Variants in MAF observed in about 807,000 individuals in gnomAD.
MAF encodes the protein MAF bZIP transcription factor.
MAF carries 10 observed loss-of-function variants against 22.0 expected under a neutral mutation model. The ratio of observed to expected loss-of-function variants is 0.45; its 90% CI spans 0.28 to 0.77. The LOEUF is 0.77. Ranked by LOEUF, MAF falls within the 30% of genes least tolerant of loss-of-function variation. The pLI is 0.12. For synonymous variants in MAF, 337 were observed against 255.8 expected (o/e 1.32, Z -3.03); for missense variants, 544 against 548.4 (o/e 0.99, Z 0.08).
At chr16:79,332,305 A>T in the MAF span, among the ~76,000 whole-genome samples, 2 of 150,476 alleles carry the variant, frequency 1.3e-5, no homozygotes, top group South Asian at 2.1e-4. Context: ...TAATAATAAT[A>T]TTTTTTTTTT....
chr16:79,521,884 C>A, the MAF span, among the ~76,000 whole-genome samples: 1 of 152,152 alleles, frequency 6.6e-6, no homozygotes, highest in African/African-American at 2.4e-5. Context: ...TTAGAATCAT[C>A]ATCTTAATTT....
chr16:79,488,874 G>A, the MAF span, among the ~76,000 whole-genome samples: 1 of 152,120 alleles, frequency 6.6e-6, no homozygotes, highest in African/African-American at 2.4e-5. Flanking sequence ...GAACTGAAAT[G>A]ACTGAAAGGA....
Position 79,599,577 on chromosome 16 carries a change from C to G in MAF, c.326G>C (p.Ser109Thr), listed in dbSNP as rs932989801. ...QQLNPEALGF[S>T]PEDAVEALIS... ...GAGCGCCTCGACCGCGTCCTCGGGG[C>G]TGAAGCCCAGCGCCTCGGGGTTCAG... is the stretch of plus-strand genomic sequence containing the variant. The change falls in exon 1 of 2, where the codon AGC becomes ACC. Residue 109 changes from serine (S) to threonine (T), a missense_variant. Physicochemically the swap from Ser to Thr is moderately conservative, Grantham distance 58. Coordinates refer to ENST00000326043, the MANE Select transcript of MAF (RefSeq NM_005360.5). 7.5e-6 allele frequency: 12 copies of G among 1,603,116 alleles called. No homozygotes were observed. Among genetic ancestry groups the G allele is most frequent in the Non-Finnish European group, 8.5e-6 (10 of 1,175,802 alleles).
the MAF span, among the ~76,000 whole-genome samples, chr16:79,361,548 C>T: frequency 5.3e-5 from 8 of 152,138 alleles, no homozygotes; most frequent in East Asian, 5.8e-4. Flanking sequence ...CCATGCTAGC[C>T]GGCTGCCTGG....
the MAF span, among the ~76,000 whole-genome samples, chr16:79,210,196 C>T: frequency 1.3e-5 from 2 of 152,198 alleles, no homozygotes; most frequent in South Asian, 2.1e-4. Context: ...CAGACCAACT[C>T]CATTGTTACT....
the MAF span, among the ~76,000 whole-genome samples, chr16:79,383,018 C>G: frequency 2.0e-5 from 3 of 152,184 alleles, no homozygotes; most frequent in Non-Finnish European, 4.4e-5. Flanking sequence ...ATAGCATGTA[C>G]ACTATTTCAG....
the MAF span, chr16:79,211,474 C>T: frequency 2.7e-6 from 3 of 1,115,950 alleles, no homozygotes; most frequent in South Asian, 1.3e-5. Flanking sequence ...AGCCCAGTAC[C>T]CTTTGCTATG....
the MAF span, among the ~76,000 whole-genome samples, chr16:79,305,804 G>C: frequency 3.3e-5 from 5 of 152,176 alleles, no homozygotes; most frequent in African/African-American, 1.2e-4. Context: ...GGAGGCTTAC[G>C]AAATAGGGAT....
chr16:79,457,101 A>C, the MAF span, among the ~76,000 whole-genome samples: 1 of 152,104 alleles, frequency 6.6e-6, no homozygotes, highest in African/African-American at 2.4e-5. Flanking sequence ...CAGAATCACA[A>C]GTGTTGATTT....
the MAF span, among the ~76,000 whole-genome samples, chr16:79,210,749 C>A: frequency 6.6e-6 from 1 of 151,978 alleles, no homozygotes; most frequent in African/African-American, 2.4e-5. Flanking sequence ...TTCTTGCCCT[C>A]TTTATAGCAT....
In MAF at chr16:79,600,094, C is replaced by G; in HGVS notation, c.-192G>C. 1 of 655,996 alleles carries G rather than the reference C, an allele frequency of 1.5e-6. No homozygotes were observed. Among genetic ancestry groups the G allele is most frequent in the Non-Finnish European group, 2.4e-6 (1 of 412,642 alleles). 40.6% of individuals were successfully genotyped at this position (655,996 alleles called of 1,614,324 possible). A position where few individuals can be genotyped will look rare whatever the true frequency, so the allele number is the denominator to read the frequency against. On this transcript the variant is annotated 5_prime_UTR_variant, in exon 1 of 2. Transcript: ENST00000326043. ...CACACCCCCCCGCCCTGCCCGCGCCCCCCGCGCCCGCCCTCCCTCCCCCCT... is the reference window on the plus strand; with the variant it reads ...CACACCCCCCCGCCCTGCCCGCGCCGCCCGCGCCCGCCCTCCCTCCCCCCT...
the MAF span, among the ~76,000 whole-genome samples, chr16:79,295,217 G>A: frequency 1.3e-5 from 2 of 152,118 alleles, no homozygotes; most frequent in African/African-American, 4.8e-5. Context: ...CCAGTCTTTG[G>A]AGCTGTTTAC....
At chr16:79,351,649 AT>A in the MAF span, among the ~76,000 whole-genome samples, 1,972 of 146,920 alleles carry the variant, frequency 0.013, 21 homozygotes, top group Non-Finnish European at 0.021. Flanking sequence ...TTGGAAACAG[AT>A]TTTTTTTTTT....
the MAF span, among the ~76,000 whole-genome samples, chr16:79,326,313 T>A: frequency 1.3e-5 from 2 of 152,164 alleles, no homozygotes; most frequent in Non-Finnish European, 2.9e-5. Flanking sequence ...ATACCTAGCA[T>A]ACTAGGGGCT....
In MAF at chr16:79,599,898, G is replaced by T. The variant is rs766735177; in HGVS notation, c.5C>A (p.Ala2Glu). Residue 2 changes from alanine (A) to glutamate (E), a missense_variant, in exon 1 of 2, where the codon GCA (alanine) becomes GAA (glutamate). Around this residue, in one of 5 missense-constraint regions of MAF, gnomAD observed 63 missense variants for 72.7 expected, o/e 0.87. Coordinates refer to ENST00000326043, the MANE Select transcript of MAF (RefSeq NM_005360.5). Reference protein sequence around the residue: MASELAMSNSDL... With the variant: MESELAMSNSDL... ...GGAGTTGCTCATTGCCAGTTCTGAT[G>T]CCATTCTCCTGCCGCCGCCGCCGCC... 8.9e-6 allele frequency: 14 copies of T among 1,573,828 alleles called. No homozygotes were observed. The highest frequency in any genetic ancestry group is 1.1e-5 in the Non-Finnish European group (13 of 1,171,430).
At chr16:79,414,862 C>T in the MAF span, among the ~76,000 whole-genome samples, 13 of 152,346 alleles carry the variant, frequency 8.5e-5, no homozygotes, top group South Asian at 2.1e-4. Flanking sequence ...AACTCCTCCA[C>T]GACACTAGTT....
chr16:79,569,163 T>C, the MAF span, among the ~76,000 whole-genome samples: 15 of 152,192 alleles, frequency 9.9e-5, no homozygotes, highest in Non-Finnish European at 1.3e-4. Context: ...AGTTTCTCAG[T>C]CCCAGCATAA....
At chr16:79,403,432 C>G in the MAF span, among the ~76,000 whole-genome samples, 4 of 152,200 alleles carry the variant, frequency 2.6e-5, no homozygotes, top group South Asian at 4.1e-4. Flanking sequence ...AAGGTCTCAG[C>G]ATCAGGATTG....
At chr16:79,413,293 A>T in the MAF span, among the ~76,000 whole-genome samples, 6 of 116,804 alleles carry the variant, frequency 5.1e-5, no homozygotes, top group African/African-American at 2.0e-4. Flanking sequence ...CCCAGGCTGG[A>T]GTACAGTGGC....
Sources: gnomAD v4.1 joint callset for allele counts (sites outside exome capture counted in the v4.1 genomes callset) on GRCh38, gnomAD v4.1.1 for gene constraint, gnomAD v4.1.1 regional missense constraint, MANE v1.5 for transcripts, NCBI Gene and HGNC (gene_info 2026-07-23, HGNC 2026-07-21) for gene names.